Variants in DTD1 observed in about 807,000 individuals in gnomAD.
The protein encoded by DTD1 is D-tyrosyl-tRNA deacylase 1 homolog.
DTD1 carries 13 observed loss-of-function variants against 25.6 expected under a neutral mutation model. The ratio of observed to expected loss-of-function variants is 0.51; its 90% CI spans 0.33 to 0.81. The LOEUF is 0.81. DTD1 is among the 30% of genes least tolerant of loss of function. The probability of loss-of-function intolerance (pLI) is 0.02; values close to 1 mark genes in which losing one functional copy is unlikely to be tolerated. For missense variants in DTD1, 193 were observed against 266.4 expected, an observed-to-expected ratio of 0.72 and a Z score of 1.92; for synonymous variants, 110 against 103.6, an observed-to-expected ratio of 1.06 and a Z score of -0.37.
rs187175266 is a variant in DTD1, at chr20:18,765,423, T to A, written c.*2083T>A. Reference sequence around the variant, plus strand: ...TCTTTGATTAATTAAAACATCTTCCTCACAGTATGCAGGAACATGGTAAAA... The same window carrying A: ...TCTTTGATTAATTAAAACATCTTCCACACAGTATGCAGGAACATGGTAAAA... On this transcript the variant is annotated 3_prime_UTR_variant, in exon 6 of 6. Coordinates refer to ENST00000377452, the MANE Select transcript of DTD1 (RefSeq NM_080820.6). 6.6e-6 allele frequency: 1 copy of A among 152,318 alleles called. No homozygotes were observed. The highest frequency in any genetic ancestry group is 6.5e-5 in the Admixed American group (1 of 15,302). 9.4% of individuals were successfully genotyped at this position (152,318 alleles called of 1,614,324 possible).
chr20:18,734,667 C>A (rs1041405406), intron 4 of DTD1, among the ~76,000 whole-genome samples: 2 of 152,214 alleles, frequency 1.3e-5, no homozygotes, highest in African/African-American at 4.8e-5. Context: ...TCTTGAAATT[C>A]TTCATTATTC....
intron 5 of DTD1, among the ~76,000 whole-genome samples, chr20:18,762,006 TG>T (rs1430784272): frequency 1.3e-5 from 2 of 152,152 alleles, no homozygotes; most frequent in African/African-American, 4.8e-5. Context: ...GGGTAGCCCT[TG>T]GGGATATGGT....
At chr20:18,670,726 G>A (rs891718472) in intron 4 of DTD1, among the ~76,000 whole-genome samples, 2 of 152,104 alleles carry the variant, frequency 1.3e-5, no homozygotes, top group Non-Finnish European at 2.9e-5. Flanking sequence ...CAATCTTGTC[G>A]TTCTTCATTG....
chr20:18,593,836 T>G lies in DTD1; in HGVS notation c.134+15T>G, dbSNP rs758070863. ...CTGGAACACATGTAAGATGCATTTCTGTCATTGCTGTTTGAGTGGGCTATG... is the reference window on the plus strand; with the variant it reads ...CTGGAACACATGTAAGATGCATTTCGGTCATTGCTGTTTGAGTGGGCTATG... On this transcript the variant is annotated intron_variant, in intron 2 of 5. Coordinates refer to ENST00000377452, the MANE Select transcript of DTD1 (RefSeq NM_080820.6). The G allele has an allele frequency of 1.2e-6, 2 of 1,605,874 alleles. No individual in the cohort carries two copies. The highest frequency in any genetic ancestry group is 4.5e-5 in the East Asian group (2 of 44,812).
rs2060573322 is a variant in DTD1, at chr20:18,588,132, C to T, written c.43+17C>T. ...GCGTCACAGGTCAGTCGGGCGGGGC[C>T]GGGCCCGGGAGGAGCCGCCCCTGAC... On this transcript the variant is annotated intron_variant, in intron 1 of 5. Transcript: ENST00000377452. The T allele has an allele frequency of 2.4e-6, 3 of 1,267,098 alleles. No individual in the cohort carries two copies. The highest frequency in any genetic ancestry group is 3.0e-6 in the Non-Finnish European group (3 of 1,007,420). The allele number at this position is 1,267,098 out of a possible 1,614,324, so 78.5% of individuals were successfully genotyped here.
intron 4 of DTD1, chr20:18,631,136 C>T (rs1600331829): frequency 1.0e-6 from 1 of 985,510 alleles, no homozygotes; most frequent in Admixed American, 6.1e-5. Context: ...ATGGCATTGA[C>T]TCTGCTTCTC....
At chr20:18,593,623 A>G in intron 1 of DTD1, 108 bp from the exon 2 acceptor site, 2 of 741,326 alleles carry the variant, frequency 2.7e-6, no homozygotes, top group Non-Finnish European at 4.8e-6. Flanking sequence ...TAACCAAAGA[A>G]GTTATAAGAA....
chr20:18,666,890 C>T lies in DTD1; in HGVS notation c.477+38657C>T, dbSNP rs192567702. 2.6e-5 allele frequency among the ~76,000 whole-genome samples: 4 copies of T among 152,146 alleles called. No individual in the cohort carries two copies. The East Asian group carries it at 7.7e-4, about 29-fold the overall frequency. On this transcript the variant is annotated intron_variant, in intron 4 of 5. Transcript: ENST00000377452. ...GTTTCCAACCCCTATAAATGAAACCCAGAGTTGAAGAAAACAAGGGATTTG... is the reference window on the plus strand; with the variant it reads ...GTTTCCAACCCCTATAAATGAAACCTAGAGTTGAAGAAAACAAGGGATTTG...
intron 3 of DTD1, among the ~76,000 whole-genome samples, chr20:18,601,212 CT>C (rs1179633534): frequency 2.0e-5 from 3 of 152,016 alleles, no homozygotes; most frequent in Non-Finnish European, 4.4e-5. Context: ...TGAAGATGTT[CT>C]CCCCGGCCAG....
intron 1 of DTD1, among the ~76,000 whole-genome samples, chr20:18,590,255 A>G (rs1184471631): frequency 1.3e-5 from 2 of 152,112 alleles, no homozygotes; most frequent in Non-Finnish European, 2.9e-5. Flanking sequence ...ATAGCTTACT[A>G]CAACCTCAAA....
intron 4 of DTD1, among the ~76,000 whole-genome samples, chr20:18,676,391 T>A (rs778315122): frequency 6.6e-6 from 1 of 152,150 alleles, no homozygotes; most frequent in Non-Finnish European, 1.5e-5. Flanking sequence ...GAGTTTGCCT[T>A]GTTTTTTTAA....
intron 4 of DTD1, among the ~76,000 whole-genome samples, chr20:18,665,660 A>G (rs1053569366): frequency 1.3e-5 from 2 of 152,180 alleles, no homozygotes; most frequent in Non-Finnish European, 2.9e-5. Context: ...TTGATGAGGT[A>G]CCCATCCTTT....
At chr20:18,618,672 T>TACACACACACACACACAC (rs751474809) in intron 3 of DTD1, among the ~76,000 whole-genome samples, 6 of 130,548 alleles carry the variant, frequency 4.6e-5, no homozygotes, top group Admixed American at 1.6e-4. Context: ...CATAATTTTA[T>TACACACACACACACACAC]ACACACACAC....
chr20:18,753,160 T>G (rs1210629133), intron 5 of DTD1, among the ~76,000 whole-genome samples: 1 of 152,232 alleles, frequency 6.6e-6, no homozygotes, highest in East Asian at 1.9e-4. Flanking sequence ...AAATTCACTT[T>G]CTCAGTCTCA....
At chr20:18,721,733 C>T (rs1411141976) in intron 4 of DTD1, among the ~76,000 whole-genome samples, 1 of 152,082 alleles carries the variant, frequency 6.6e-6, no homozygotes, top group African/African-American at 2.4e-5. Context: ...CAAAGCCAGG[C>T]TTGTTTCCTA....
intron 3 of DTD1, among the ~76,000 whole-genome samples, chr20:18,602,928 T>A (rs2060641375): frequency 8.8e-6 from 1 of 113,800 alleles, no homozygotes. Context: ...ATAACAATAT[T>A]AACTTTAAAT....
chr20:18,631,054 C>G, intron 4 of DTD1: 1 of 985,384 alleles, frequency 1.0e-6, no homozygotes, highest in Non-Finnish European at 1.2e-6. Flanking sequence ...TAACCTCTTT[C>G]CCCTTGTCTG....
At chr20:18,682,805 C>T (rs951932124) in intron 4 of DTD1, among the ~76,000 whole-genome samples, 1 of 152,222 alleles carries the variant, frequency 6.6e-6, no homozygotes, top group Non-Finnish European at 1.5e-5. Context: ...TTCTTATGGG[C>T]ATCAACATGT....
intron 3 of DTD1, among the ~76,000 whole-genome samples, chr20:18,609,169 C>A (rs2060676124): frequency 6.6e-6 from 1 of 151,178 alleles, no homozygotes; most frequent in African/African-American, 2.4e-5. Flanking sequence ...TTGACAGGGT[C>A]TCACTCTGTC....
Sources: gnomAD v4.1 joint callset for allele counts (sites outside exome capture counted in the v4.1 genomes callset) on GRCh38, gnomAD v4.1.1 for gene constraint, MANE v1.5 for transcripts, NCBI Gene and HGNC (gene_info 2026-07-23, HGNC 2026-07-21) for gene names.